The following PCP4 variants were observed in gnomAD, a reference collection of about 807,000 sequenced individuals.
PCP4 encodes calmodulin regulator protein PCP4.
In PCP4, 8 loss-of-function variants were observed where a neutral mutation model predicts 10.0. That is an observed-to-expected ratio of 0.80 (90% CI 0.47 to 1.45). The LOEUF (loss-of-function observed/expected upper bound fraction) is 1.45, where lower values mean the gene tolerates loss of function less well. PCP4 is among the 40% of genes most tolerant of loss of function. The pLI, the probability that PCP4 is intolerant of heterozygous loss-of-function variation, is 0.00. For synonymous variants in PCP4, 21 were observed against 23.0 expected, an observed-to-expected ratio of 0.91 and a Z score of 0.24; for missense variants, 54 against 74.4, an observed-to-expected ratio of 0.73 and a Z score of 1.01.
At chr21:39,900,074 G>A (rs1479398561) in intron 2 of PCP4, among the ~76,000 whole-genome samples, 6 of 152,056 alleles carry the variant, frequency 3.9e-5, no homozygotes, top group Admixed American at 2.0e-4. Context: ...CACTCTTGTT[G>A]CCCAGGCTGG....
chr21:39,868,946 T>A (rs187674435), intron 1 of PCP4, among the ~76,000 whole-genome samples: 184 of 152,166 alleles, frequency 1.2e-3, no homozygotes, highest in African/African-American at 4.0e-3. Context: ...GAAATAGAGA[T>A]GGAATGATGA....
At chr21:39,883,553 G>C (rs558132203) in intron 1 of PCP4, 1 of 152,332 alleles carries the variant, frequency 6.6e-6, no homozygotes, top group Non-Finnish European at 1.5e-5. Context: ...TCGTAACACA[G>C]GTAGAGCCTA....
At chr21:39,888,484 G>A (rs2087412240) in intron 1 of PCP4, among the ~76,000 whole-genome samples, 1 of 152,214 alleles carries the variant, frequency 6.6e-6, no homozygotes, top group African/African-American at 2.4e-5. Context: ...AGGAGGCATG[G>A]ATTATCATTT....
At chr21:39,915,246 C>G (rs2146346728) in intron 2 of PCP4, among the ~76,000 whole-genome samples, 1 of 151,748 alleles carries the variant, frequency 6.6e-6, no homozygotes, top group East Asian at 1.9e-4. Context: ...AAAAAAATCT[C>G]TGGGATTTTT....
At chr21:39,888,151 G>A (rs549079631) in intron 1 of PCP4, among the ~76,000 whole-genome samples, 54 of 152,282 alleles carry the variant, frequency 3.5e-4, no homozygotes, top group African/African-American at 1.1e-3. Context: ...AATAACTTAC[G>A]AGAAGACACA....
intron 1 of PCP4, among the ~76,000 whole-genome samples, chr21:39,892,006 C>T (rs2087434676): frequency 6.6e-6 from 1 of 152,196 alleles, no homozygotes; most frequent in African/African-American, 2.4e-5. Flanking sequence ...TGGATAATAT[C>T]CAGCCTTCCA....
intron 1 of PCP4, among the ~76,000 whole-genome samples, chr21:39,881,458 A>G (rs1047022068): frequency 6.6e-6 from 1 of 152,202 alleles, no homozygotes; most frequent in Non-Finnish European, 1.5e-5. Context: ...CATGAAAAAC[A>G]CATTGAGACA....
At chr21:39,909,881 T>C (rs1408580897) in intron 2 of PCP4, among the ~76,000 whole-genome samples, 2 of 151,434 alleles carry the variant, frequency 1.3e-5, no homozygotes, top group South Asian at 2.1e-4. Flanking sequence ...CCGCAACCTC[T>C]GCCTCCCGGG....
intron 2 of PCP4, among the ~76,000 whole-genome samples, chr21:39,912,071 T>G (rs544810325): frequency 5.2e-4 from 79 of 152,234 alleles, no homozygotes; most frequent in Non-Finnish European, 1.1e-3. Flanking sequence ...TCCTGGGAGA[T>G]GTTTGCAATC....
rs1443923867 is a variant in PCP4, at chr21:39,906,977, T to C, written c.61+8450T>C. ...TTTTAAGTAGGTGAAACACTCATAATCTTATTTATAGAATTAATGTGCACA... is the reference window on the plus strand; with the variant it reads ...TTTTAAGTAGGTGAAACACTCATAACCTTATTTATAGAATTAATGTGCACA... On this transcript the variant is annotated intron_variant, in intron 2 of 2. Transcript: ENST00000328619. The surrounding 1 kb of genome is among the most constrained non-coding windows in gnomAD (Gnocchi z 6.3). 6.6e-6 allele frequency among the ~76,000 whole-genome samples: 1 copy of C among 152,200 alleles called. No homozygotes were observed. The highest frequency in any genetic ancestry group is 2.4e-5 in the African/African-American group (1 of 41,436).
chr21:39,898,587 C>A (rs1568856012), intron 2 of PCP4, 60 bp downstream of exon 2: 3 of 1,323,820 alleles, frequency 2.3e-6, no homozygotes, highest in Non-Finnish European at 3.3e-6. Context: ...CCTGGGTATG[C>A]AGCAGGTGCG....
chr21:39,883,778 A>G (rs2087386978), intron 1 of PCP4: 1 of 152,220 alleles, frequency 6.6e-6, no homozygotes, highest in African/African-American at 2.4e-5. Context: ...TGTGAGCTCA[A>G]TGCACTGTTT....
At chr21:39,885,734 G>A (rs2087397637) in intron 1 of PCP4, among the ~76,000 whole-genome samples, 1 of 152,222 alleles carries the variant, frequency 6.6e-6, no homozygotes. Flanking sequence ...GCCAGGACAG[G>A]CCCCAGAGCC....
chr21:39,919,240 G>C (rs933331968), intron 2 of PCP4, among the ~76,000 whole-genome samples: 2 of 152,184 alleles, frequency 1.3e-5, no homozygotes, highest in Non-Finnish European at 2.9e-5. Context: ...CAGCTAAGAG[G>C]GCCCCAGCAG....
intron 1 of PCP4, among the ~76,000 whole-genome samples, chr21:39,888,256 A>G (rs1014566456): frequency 6.6e-6 from 1 of 152,246 alleles, no homozygotes; most frequent in East Asian, 1.9e-4. Flanking sequence ...TCCTTTGCAG[A>G]ATCTCAGCAA....
At chr21:39,883,894 A>G (rs2087387755) in intron 1 of PCP4, among the ~76,000 whole-genome samples, 1 of 152,190 alleles carries the variant, frequency 6.6e-6, no homozygotes, top group Non-Finnish European at 1.5e-5. Context: ...TTTTCTTAGA[A>G]ACCAAATCCA....
intron 1 of PCP4, among the ~76,000 whole-genome samples, chr21:39,880,614 C>T (rs767716648): frequency 6.6e-6 from 1 of 152,158 alleles, no homozygotes; most frequent in Admixed American, 6.5e-5. Context: ...TGAAAGCATC[C>T]GCTGGCCAGT....
chr21:39,877,287 C>T (rs1206020374), intron 1 of PCP4, among the ~76,000 whole-genome samples: 1 of 152,178 alleles, frequency 6.6e-6, no homozygotes, highest in Admixed American at 6.5e-5. Context: ...AGGTCTTCCA[C>T]TCTATTTCTA....
At chr21:39,869,696 A>G (rs905582218) in intron 1 of PCP4, among the ~76,000 whole-genome samples, 17 of 152,270 alleles carry the variant, frequency 1.1e-4, no homozygotes, top group East Asian at 5.8e-4. Context: ...CTAAACCTCA[A>G]ATCTGCTTAA....
Sources: gnomAD v4.1 joint callset for allele counts (sites outside exome capture counted in the v4.1 genomes callset) on GRCh38, gnomAD v4.1.1 for gene constraint, Gnocchi (gnomAD v3.1) non-coding constraint, MANE v1.5 for transcripts, NCBI Gene and HGNC (gene_info 2026-07-23, HGNC 2026-07-21) for gene names.